CD2AP: variants seen among roughly 807,000 people sequenced by gnomAD.
CD2AP encodes CD2-associated protein.
Under a neutral mutation model 85.1 loss-of-function variants are expected in CD2AP, and 46 were observed. The ratio of observed to expected loss-of-function variants is 0.54; its 90% CI spans 0.43 to 0.69. The LOEUF is 0.69. Ranked by LOEUF, CD2AP falls within the 30% of genes least tolerant of loss-of-function variation. CD2AP has a pLI of 0.00. For missense variants in CD2AP, 769 were observed against 729.5 expected, an observed-to-expected ratio of 1.05 and a Z score of -0.62; for synonymous variants, 255 against 252.9, an observed-to-expected ratio of 1.01 and a Z score of -0.08.
chr6:47,518,020 T>C (rs1438614571), intron 2 of CD2AP, among the ~76,000 whole-genome samples: 2 of 152,148 alleles, frequency 1.3e-5, no homozygotes, highest in Non-Finnish European at 2.9e-5. Context: ...GGTAGAATGG[T>C]TAAATATTGT....
At chr6:47,594,208 A>G (rs191418610) in intron 11 of CD2AP, among the ~76,000 whole-genome samples, 44 of 152,204 alleles carry the variant, frequency 2.9e-4, no homozygotes, top group Admixed American at 5.9e-4. Flanking sequence ...TGGTTGCGTA[A>G]CATCGTGAAT....
At chr6:47,565,057 A>C (rs1415840028) in intron 5 of CD2AP, among the ~76,000 whole-genome samples, 1 of 152,052 alleles carries the variant, frequency 6.6e-6, no homozygotes, top group Non-Finnish European at 1.5e-5. Context: ...TGCTAAGTAG[A>C]TAATTCTGAC....
intron 1 of CD2AP, among the ~76,000 whole-genome samples, chr6:47,487,690 A>AAAAC (rs140796042): frequency 0.013 from 1,992 of 151,614 alleles, 47 homozygotes; most frequent in African/African-American, 0.042. Flanking sequence ...ACTCTGTCTC[A>AAAAC]AAACAAACAA....
At chr6:47,579,323 A>G in intron 8 of CD2AP, 62 bp from the exon 9 acceptor site, 4 of 978,344 alleles carry the variant, frequency 4.1e-6, no homozygotes, top group Non-Finnish European at 6.3e-6. Context: ...CAACAGAGCA[A>G]CACTTTATCT....
intron 1 of CD2AP, among the ~76,000 whole-genome samples, chr6:47,483,715 C>G (rs1383916511): frequency 2.0e-5 from 3 of 151,326 alleles, no homozygotes; most frequent in Non-Finnish European, 4.4e-5. Flanking sequence ...GATCTTCTCT[C>G]TAAGTGCTGC....
chr6:47,577,888 A>T (rs1272485358), intron 8 of CD2AP, among the ~76,000 whole-genome samples: 1 of 152,058 alleles, frequency 6.6e-6, no homozygotes, highest in Non-Finnish European at 1.5e-5. Flanking sequence ...CCATTGTTTT[A>T]CACTGACTTT....
intron 1 of CD2AP, among the ~76,000 whole-genome samples, chr6:47,488,763 C>A (rs1305449022): frequency 2.0e-5 from 3 of 150,378 alleles, no homozygotes; most frequent in African/African-American, 7.3e-5. Flanking sequence ...TGGTGGCATA[C>A]CCCTGTAGTC....
In CD2AP at chr6:47,478,191, TGGA is replaced by T. The variant is rs1765353198; in HGVS notation, c.-37_-35del. 2 of 1,506,142 alleles carry T rather than the reference TGGA, an allele frequency of 1.3e-6. No homozygotes were observed. The highest frequency in any genetic ancestry group is 2.0e-5 in the Admixed American group (1 of 50,920). 93.3% of individuals were successfully genotyped at this position (1,506,142 alleles called of 1,614,324 possible). On this transcript the variant is annotated 5_prime_UTR_variant, in exon 1 of 18. Transcript: ENST00000359314. The stretch of plus-strand genomic sequence containing the variant: ...CGGGAGCGGCCGCGCGAGCCACCAC[TGGA>T]GGAGGAGGAGGAGGAGCGGACGTCG...
At chr6:47,520,730 G>GTTTTTTTTTTTTTTT in intron 2 of CD2AP, among the ~76,000 whole-genome samples, 1 of 86,362 alleles carries the variant, frequency 1.2e-5, no homozygotes, top group Non-Finnish European at 2.3e-5. Context: ...TGGTGCTACA[G>GTTTTTTTTTTTTTTT]TTTTTTTTTT....
chr6:47,611,380 A>G (rs907185298), intron 16 of CD2AP, among the ~76,000 whole-genome samples: 38 of 91,830 alleles, frequency 4.1e-4, no homozygotes, highest in African/African-American at 1.2e-3. Flanking sequence ...TCTATGGAAG[A>G]GGGGGGGAAT....
intron 5 of CD2AP, among the ~76,000 whole-genome samples, chr6:47,558,342 A>G (rs905651226): frequency 1.3e-5 from 2 of 152,214 alleles, no homozygotes; most frequent in African/African-American, 2.4e-5. Context: ...TGCCCTGGCC[A>G]GAACTTCCAA....
chr6:47,570,916 A>G (rs909001373), intron 5 of CD2AP, among the ~76,000 whole-genome samples: 3 of 152,196 alleles, frequency 2.0e-5, no homozygotes, highest in Non-Finnish European at 4.4e-5. Flanking sequence ...AAAATAGCCT[A>G]TCCATTAGTA....
At chr6:47,514,935 C>T (rs1273468294) in intron 2 of CD2AP, among the ~76,000 whole-genome samples, 1 of 151,932 alleles carries the variant, frequency 6.6e-6, no homozygotes, top group Non-Finnish European at 1.5e-5. Context: ...ACCTGCAATC[C>T]CAGCTACTCG....
chr6:47,620,900 C>T (rs1022900168), intron 17 of CD2AP, among the ~76,000 whole-genome samples: 8 of 151,886 alleles, frequency 5.3e-5, no homozygotes, highest in East Asian at 1.9e-4. Flanking sequence ...CTCTTATACC[C>T]GAAACTTCGC....
intron 16 of CD2AP, among the ~76,000 whole-genome samples, chr6:47,611,284 C>G (rs533976187): frequency 1.9e-4 from 28 of 151,056 alleles, no homozygotes; most frequent in African/African-American, 6.8e-4. Context: ...GCATACCAAA[C>G]CAGAAAATAT....
chr6:47,484,869 T>C lies in CD2AP; in HGVS notation c.4+6621T>C, dbSNP rs1582463095. On this transcript the variant is annotated intron_variant, in intron 1 of 17. Coordinates refer to ENST00000359314, the MANE Select transcript of CD2AP (RefSeq NM_012120.3). The stretch of plus-strand genomic sequence containing the variant: ...AGGGGTTTCTAGTAGAATGCAATCA[T>C]GAGCCCCTTAGGAATGTTTTGGTCA... Among the ~76,000 whole-genome samples, 3 of 152,288 alleles carry C rather than the reference T, an allele frequency of 2.0e-5. No individual in the cohort carries two copies. In the South Asian group the frequency reaches 6.2e-4, roughly 32 times the overall value.
chr6:47,610,375 T>G (rs923497326), intron 16 of CD2AP, among the ~76,000 whole-genome samples: 1 of 152,146 alleles, frequency 6.6e-6, no homozygotes, highest in African/African-American at 2.4e-5. Flanking sequence ...TCAAATTCCC[T>G]TCTAAAAAGA....
At position 47,609,243 on chromosome 6, in the gene CD2AP, G is replaced by C; in HGVS notation, c.1753G>C (p.Glu585Gln). 6.2e-7 allele frequency: 1 copy of C among 1,613,596 alleles called. No homozygotes were observed. Among genetic ancestry groups the C allele is most frequent in the Non-Finnish European group, 8.5e-7 (1 of 1,179,742 alleles). The change falls in exon 16 of 18, where the codon GAA (glutamate) becomes CAA (glutamine). Residue 585 changes from glutamate (E) to glutamine (Q), a missense_variant. Coordinates refer to ENST00000359314, the MANE Select transcript of CD2AP (RefSeq NM_012120.3). ...TDDVKKNSLD[E>Q]LRAQIIELLC... ...TGATGTGAAAAAAAATTCCCTGGAT[G>C]AACTTAGAGCCCAGATTATTGAATT...
intron 2 of CD2AP, among the ~76,000 whole-genome samples, chr6:47,505,149 C>T (rs1346948200): frequency 1.5e-5 from 2 of 132,676 alleles, no homozygotes; most frequent in Non-Finnish European, 3.3e-5. Flanking sequence ...ACAAAGGTCT[C>T]GTTTTCCTAG....
Sources: allele counts gnomAD v4.1 joint callset (sites outside exome capture counted in the v4.1 genomes callset), GRCh38; gene constraint gnomAD v4.1.1; transcripts MANE v1.5; gene names NCBI Gene and HGNC (gene_info 2026-07-23, HGNC 2026-07-21).